The following AQP7B variants were observed in gnomAD, a reference collection of about 807,000 sequenced individuals.
The protein encoded by AQP7B is aquaporin 7B.
At chr2:94,591,351 A>T in the AQP7B span, among the ~76,000 whole-genome samples, 2 of 152,150 alleles carry the variant, frequency 1.3e-5, no homozygotes, top group Non-Finnish European at 2.9e-5. Context: ...CCAGGACCTG[A>T]GGGCATCGCT....
At chr2:94,599,469 G>T in the AQP7B span, among the ~76,000 whole-genome samples, 2 of 151,892 alleles carry the variant, frequency 1.3e-5, no homozygotes, top group Admixed American at 6.6e-5. Flanking sequence ...TCAGCAAATG[G>T]CTTGATCTGC....
At chr2:94,603,817 G>A in the AQP7B span, 5 of 1,503,168 alleles carry the variant, frequency 3.3e-6, no homozygotes, top group South Asian at 1.2e-5. Flanking sequence ...CATCCTCGTG[G>A]TCATCATCAG....
chr2:94,593,097 C>A, the AQP7B span, among the ~76,000 whole-genome samples: 1 of 152,118 alleles, frequency 6.6e-6, no homozygotes, highest in African/African-American at 2.4e-5. Flanking sequence ...GCTGGGATTA[C>A]AGGCGTGAGC....
chr2:94,589,045 C>T, the AQP7B span, among the ~76,000 whole-genome samples: 15 of 148,994 alleles, frequency 1.0e-4, no homozygotes, highest in African/African-American at 1.5e-4. Flanking sequence ...TGCAATAGCA[C>T]GATCTTGGGT....
the AQP7B span, chr2:94,603,173 C>G: frequency 5.3e-6 from 8 of 1,505,136 alleles, no homozygotes; most frequent in Non-Finnish European, 7.3e-6. Flanking sequence ...GTCTCTTCTA[C>G]AGCAAGTGTG....
chr2:94,589,417 A>G, the AQP7B span, among the ~76,000 whole-genome samples: 5 of 151,864 alleles, frequency 3.3e-5, no homozygotes, highest in Non-Finnish European at 7.4e-5. Flanking sequence ...TCTCATCTTC[A>G]TGGCTTTGCT....
chr2:94,594,982 G>A, the AQP7B span: 112 of 620,044 alleles, frequency 1.8e-4, no homozygotes, highest in Middle Eastern at 1.3e-3. Flanking sequence ...CCTCTGAGCT[G>A]GGAGCCTGGG....
the AQP7B span, chr2:94,603,685 T>A: frequency 7.3e-7 from 1 of 1,371,900 alleles, no homozygotes; most frequent in East Asian, 2.4e-5. Context: ...GGGGCCCAGG[T>A]GAGCTGCCAC....
chr2:94,594,603 TC>T, the AQP7B span: 1 of 621,498 alleles, frequency 1.6e-6, no homozygotes. Context: ...ATTCCAGCTG[TC>T]CCAGCTGCCC....
the AQP7B span, among the ~76,000 whole-genome samples, chr2:94,596,900 G>A: frequency 2.7e-3 from 418 of 152,188 alleles, 2 homozygotes; most frequent in African/African-American, 9.4e-3. Flanking sequence ...GGGTTTCACC[G>A]TGTTGGCCAG....
At chr2:94,594,539 C>T in the AQP7B span, among the ~76,000 whole-genome samples, 1 of 152,212 alleles carries the variant, frequency 6.6e-6, no homozygotes, top group African/African-American at 2.4e-5. Context: ...GGGGCATGGC[C>T]TGGCCATCTA....
chr2:94,590,075 G>A, the AQP7B span, among the ~76,000 whole-genome samples: 4 of 152,136 alleles, frequency 2.6e-5, no homozygotes, highest in Non-Finnish European at 5.9e-5. Context: ...CTTCTCTCTG[G>A]TGGTGTTGCC....
chr2:94,600,743 G>A, the AQP7B span, among the ~76,000 whole-genome samples: 1 of 152,108 alleles, frequency 6.6e-6, no homozygotes, highest in Non-Finnish European at 1.5e-5. Flanking sequence ...GTTGGGCATG[G>A]TGGCGTGCAC....
the AQP7B span, chr2:94,602,628 A>G: frequency 6.3e-7 from 1 of 1,582,380 alleles, no homozygotes; most frequent in Non-Finnish European, 8.7e-7. Flanking sequence ...GAGTGAGCCC[A>G]GGGCCTACCA....
At chr2:94,604,562 G>C in the AQP7B span, 1 of 1,599,136 alleles carries the variant, frequency 6.3e-7, no homozygotes, top group Non-Finnish European at 8.5e-7. Flanking sequence ...CATGGCCCTA[G>C]AGCACTTCTA....
the AQP7B span, among the ~76,000 whole-genome samples, chr2:94,596,177 G>T: frequency 6.6e-6 from 1 of 152,234 alleles, no homozygotes; most frequent in Non-Finnish European, 1.5e-5. Context: ...CTTAGGGTTT[G>T]GCAACGTGGA....
the AQP7B span, chr2:94,604,614 A>G: frequency 6.6e-6 from 10 of 1,517,718 alleles, no homozygotes; most frequent in Non-Finnish European, 8.9e-6. Flanking sequence ...CCAATAAAGC[A>G]AAGCTTGTCC....
At chr2:94,592,812 C>CTTTTTTTT in the AQP7B span, among the ~76,000 whole-genome samples, 1 of 51,706 alleles carries the variant, frequency 1.9e-5, no homozygotes, top group Non-Finnish European at 3.5e-5. Context: ...ATTAATTAAG[C>CTTTTTTTT]TTTTTTTTTT....
At chr2:94,601,078 G>A in the AQP7B span, among the ~76,000 whole-genome samples, 2 of 152,002 alleles carry the variant, frequency 1.3e-5, no homozygotes, top group African/African-American at 4.8e-5. Context: ...TAAAACAGAG[G>A]CACAAGAAAG....
Sources: allele counts gnomAD v4.1 joint callset (sites outside exome capture counted in the v4.1 genomes callset), GRCh38; gene constraint gnomAD v4.1.1; transcripts MANE v1.5; gene names NCBI Gene and HGNC (gene_info 2026-07-23, HGNC 2026-07-21).